The following PCNT variants were observed in gnomAD, a reference collection of about 807,000 sequenced individuals.
PCNT encodes pericentrin, also known as kendrin.
In PCNT, 319 loss-of-function variants were observed where a neutral mutation model predicts 380.4. That is an observed-to-expected ratio of 0.84 (90% confidence interval 0.77 to 0.92). PCNT has a LOEUF of 0.92. PCNT is among the 40% of genes least tolerant of loss of function. The probability of loss-of-function intolerance (pLI) is 0.00; values close to 1 mark genes in which losing one functional copy is unlikely to be tolerated. For missense variants in PCNT, 4,400 were observed against 4,255.3 expected (o/e 1.03, Z -0.95); for synonymous variants, 1,845 against 1,735.2 (o/e 1.06, Z -1.57).
rs35021942 is a variant in PCNT at position 46,334,204 on chromosome 21, C to CA, written c.268-176dup. ...TGGGCGACAGAGCAAGACTCCGTCT[C>CA]AAAAAAAAAAAAAAAAATGTTTAGA... On this transcript the variant is annotated intron_variant, in intron 2 of 46. Coordinates refer to ENST00000359568, the MANE Select transcript of PCNT (RefSeq NM_006031.6). 5.1e-3 allele frequency among the ~76,000 whole-genome samples: 490 copies of CA among 97,026 alleles called. 1 individual carries two copies. Among genetic ancestry groups the CA allele is most frequent in the East Asian group, 0.013 (38 of 2,952 alleles). 63.7% of individuals were successfully genotyped at this position (97,026 alleles called of 152,430 possible).
intron 29 of PCNT, among the ~76,000 whole-genome samples, chr21:46,415,365 ATTTTTTTTTT>A (rs35983555): frequency 2.5e-4 from 16 of 65,302 alleles, no homozygotes; most frequent in African/African-American, 7.1e-4. Flanking sequence ...GTTTCTTTGA[ATTTTTTTTTT>A]TTTTTTTTTT....
intron 16 of PCNT, among the ~76,000 whole-genome samples, chr21:46,385,169 A>G (rs2085787260): frequency 6.6e-6 from 1 of 152,188 alleles, no homozygotes; most frequent in South Asian, 2.1e-4. Context: ...AGCCTGGGCA[A>G]CATAGGGAGA....
At chr21:46,415,049 G>C (rs1186190310) in intron 29 of PCNT, among the ~76,000 whole-genome samples, 1 of 152,242 alleles carries the variant, frequency 6.6e-6, no homozygotes. Context: ...AGCCTGCTGA[G>C]ACCTGGGCTC....
chr21:46,348,233 C>T (rs1322119621), intron 6 of PCNT: 1 of 164,238 alleles, frequency 6.1e-6, no homozygotes, highest in Non-Finnish European at 1.3e-5. Context: ...ATTACTAACG[C>T]TTTGAGGGTG....
At chr21:46,434,022 G>A (rs986615933) in intron 38 of PCNT, among the ~76,000 whole-genome samples, 10 of 152,084 alleles carry the variant, frequency 6.6e-5, no homozygotes, top group Admixed American at 2.6e-4. Context: ...TGATTGATCC[G>A]CCCACCTTGG....
At chr21:46,409,624 C>T (rs1340010639) in intron 27 of PCNT, among the ~76,000 whole-genome samples, 1 of 151,972 alleles carries the variant, frequency 6.6e-6, no homozygotes, top group South Asian at 2.1e-4. Context: ...TTTTTTGACA[C>T]TATCTTGCTC....
At chr21:46,429,056 C>G (rs2087630235) in intron 35 of PCNT, among the ~76,000 whole-genome samples, 1 of 152,218 alleles carries the variant, frequency 6.6e-6, no homozygotes, top group African/African-American at 2.4e-5. Context: ...GGGGCAGGAG[C>G]TGGTCTCGTA....
At chr21:46,366,400 C>T (rs753764839) in intron 14 of PCNT, among the ~76,000 whole-genome samples, 184 bp from the exon 15 acceptor site, 1 of 152,138 alleles carries the variant, frequency 6.6e-6, no homozygotes, top group Non-Finnish European at 1.5e-5. Flanking sequence ...TTCATGGGGC[C>T]TCTTCACTCT....
chr21:46,398,021 C>A lies in PCNT; in HGVS notation c.4454C>A (p.Ala1485Glu). 6.3e-7 allele frequency: 1 copy of A among 1,584,402 alleles called. No individual in the cohort carries two copies. Among genetic ancestry groups the A allele is most frequent in the Non-Finnish European group, 8.6e-7 (1 of 1,167,058 alleles). The change falls in exon 23 of 47, where the codon GCA (alanine) becomes GAA (glutamate). Residue 1485 changes from alanine to glutamate, a missense_variant. Ala to Glu is a moderately radical substitution (Grantham distance 107). Transcript: ENST00000359568. ...RNQRQFMDEQ[A>E]AEREHEREEF... The stretch of plus-strand genomic sequence containing the variant: ...CGCTGCCTCTCCTCCCAGGAGCAGG[C>A]AGCCGAGCGGGAGCACGAGCGCGAG...
chr21:46,436,106 C>T lies in PCNT; in HGVS notation c.8954C>T (p.Ala2985Val). ...LEAMRQRLLSAARLLTSFTSQ... is the reference protein window; with the variant it reads ...LEAMRQRLLSVARLLTSFTSQ... ...GCGATGAGGCAGCGGCTGCTCTCTG[C>T]CGCCCGGCTTCTCACCAGCTTCACC... Residue 2985 changes from alanine to valine, a missense_variant, in exon 39 of 47, where the codon GCC (alanine) becomes GTC (valine). Ala to Val is a moderately conservative substitution (Grantham distance 64, BLOSUM62 0). Coordinates refer to ENST00000359568, the MANE Select transcript of PCNT (RefSeq NM_006031.6). 6.2e-7 allele frequency: 1 copy of T among 1,610,742 alleles called. No individual in the cohort carries two copies.
intron 2 of PCNT, 40 bp from the exon 3 acceptor site, chr21:46,334,357 C>T (rs745613798): frequency 6.2e-7 from 1 of 1,613,642 alleles, no homozygotes; most frequent in African/African-American, 1.3e-5. Context: ...CAGCCCTAGA[C>T]CTTGCTTTAA....
intron 15 of PCNT, among the ~76,000 whole-genome samples, chr21:46,372,044 A>G (rs2085157117): frequency 6.6e-6 from 1 of 151,094 alleles, no homozygotes; most frequent in African/African-American, 2.4e-5. Flanking sequence ...CAGCACTCAC[A>G]GCATATGTGC....
At chr21:46,345,110 G>C (rs540459027) in intron 3 of PCNT, among the ~76,000 whole-genome samples, 1 of 152,280 alleles carries the variant, frequency 6.6e-6, no homozygotes, top group South Asian at 2.1e-4. Context: ...TTTTCTCTCT[G>C]TAGGCGTCAT....
chr21:46,426,111 T>G, intron 33 of PCNT, 140 bp downstream of exon 33: 4 of 789,278 alleles, frequency 5.1e-6, no homozygotes, highest in Non-Finnish European at 7.2e-6. Context: ...CTCGGCTCAC[T>G]GCAACCTCCA....
chr21:46,333,329 G>T (rs2083616657), intron 2 of PCNT, among the ~76,000 whole-genome samples: 1 of 152,100 alleles, frequency 6.6e-6, no homozygotes, highest in South Asian at 2.1e-4. Context: ...CTACTCAGGA[G>T]GCTGAGGCAG....
intron 45 of PCNT, 83 bp from the exon 46 acceptor site, chr21:46,444,611 A>C (rs1601229659): frequency 6.6e-7 from 1 of 1,507,666 alleles, no homozygotes; most frequent in Non-Finnish European, 9.1e-7. Flanking sequence ...TTTCTTCTGC[A>C]CTCAGTCACC....
intron 3 of PCNT, among the ~76,000 whole-genome samples, chr21:46,340,213 T>A (rs1013047271): frequency 1.3e-5 from 2 of 152,154 alleles, no homozygotes; most frequent in Admixed American, 6.5e-5. Flanking sequence ...TGAGACTTAT[T>A]CACTCTCAGG....
chr21:46,378,644 AT>A (rs1454076369), intron 15 of PCNT, among the ~76,000 whole-genome samples: 1 of 152,158 alleles, frequency 6.6e-6, no homozygotes, highest in East Asian at 1.9e-4. Context: ...TTCATACGAT[AT>A]TTTCAAAATG....
chr21:46,437,112 C>A, intron 40 of PCNT, 31 bp downstream of exon 40: 2 of 1,497,190 alleles, frequency 1.3e-6, no homozygotes, highest in Non-Finnish European at 1.9e-6. Flanking sequence ...GGTCCCTGGC[C>A]TGGCTCCTCC....
Sources: gnomAD v4.1 joint callset for allele counts (sites outside exome capture counted in the v4.1 genomes callset) on GRCh38, gnomAD v4.1.1 for gene constraint, MANE v1.5 for transcripts, NCBI Gene and HGNC (gene_info 2026-07-23, HGNC 2026-07-21) for gene names.